Variants in NTM observed in about 807,000 individuals in gnomAD.
NTM encodes IgLON family member 2.
A neutral mutation model predicts 42.1 loss-of-function variants in NTM; 13 were observed. The ratio of observed to expected loss-of-function variants is 0.31; its 90% CI spans 0.20 to 0.49. NTM has a LOEUF of 0.49. Among genes scored for constraint, NTM ranks in the 20% least tolerant of loss-of-function variants. The pLI is 0.99. For missense variants in NTM, 373 were observed against 452.8 expected, an observed-to-expected ratio of 0.82 and a Z score of 1.60; for synonymous variants, 187 against 179.2, an observed-to-expected ratio of 1.04 and a Z score of -0.35.
chr11:131,675,203 T>C lies in NTM; in HGVS notation c.83-236361T>C, dbSNP rs960241131. 1.1e-4 allele frequency among the ~76,000 whole-genome samples: 16 copies of C among 152,318 alleles called. No homozygotes were observed. The East Asian group carries it at 3.1e-3, about 29-fold the overall frequency. ...TATTTCTGTTTAGCAAGACAGCAAT[T>C]TCGGGCAGCTACACTGTTTTATTAA... On this transcript the variant is annotated intron_variant, in intron 1 of 8. Coordinates refer to ENST00000683400, the MANE Select transcript of NTM (RefSeq NM_001352005.2).
At chr11:131,542,997 CCCTTCCTCTGGACG>C (rs1250656511) in intron 1 of NTM, among the ~76,000 whole-genome samples, 7 of 152,180 alleles carry the variant, frequency 4.6e-5, no homozygotes, top group Admixed American at 4.6e-4. Flanking sequence ...TCCCTGGTGC[CCCTTCCTCTGGACG>C]CCTTCCTTGC....
intron 2 of NTM, among the ~76,000 whole-genome samples, chr11:132,004,475 A>G (rs2070239410): frequency 2.0e-5 from 3 of 152,122 alleles, no homozygotes; most frequent in Non-Finnish European, 4.4e-5. Flanking sequence ...TAACTTCCTC[A>G]ATGACCATTG....
At chr11:131,787,372 T>TATTATTATTATTATC (rs2089419039) in intron 1 of NTM, among the ~76,000 whole-genome samples, 1 of 148,168 alleles carries the variant, frequency 6.7e-6, no homozygotes, top group Admixed American at 6.8e-5. Flanking sequence ...TTATTATTAT[T>TATTATTATTATTATC]ATTATTATTT....
rs114041229 is a variant in NTM, at chr11:131,494,420, G to A, written c.82+123532G>A. On this transcript the variant is annotated intron_variant, in intron 1 of 8. Transcript: ENST00000683400. ...ATCCATTTTGGCATTCTGGTAGAAG[G>A]CTTTCCAGAGGAGATACTAGCTCAT... Among the ~76,000 whole-genome samples, 211 of 152,288 alleles carry A rather than the reference G, an allele frequency of 1.4e-3. 4 individuals carry two copies. The highest frequency in any genetic ancestry group is 4.9e-3 in the African/African-American group (203 of 41,546).
At chr11:131,473,534 A>G (rs1219104442) in intron 1 of NTM, among the ~76,000 whole-genome samples, 2 of 152,196 alleles carry the variant, frequency 1.3e-5, no homozygotes, top group East Asian at 3.8e-4. Flanking sequence ...AGAGGCAGGG[A>G]TAAGCAGGCT....
At chr11:131,930,462 A>C (rs777727908) in intron 2 of NTM, among the ~76,000 whole-genome samples, 4 of 152,222 alleles carry the variant, frequency 2.6e-5, no homozygotes, top group Admixed American at 6.5e-5. Context: ...GTGTACAGGG[A>C]GCCGAATGCA....
At chr11:132,040,125 G>T (rs1250219984) in intron 2 of NTM, among the ~76,000 whole-genome samples, 4 of 151,998 alleles carry the variant, frequency 2.6e-5, no homozygotes, top group Non-Finnish European at 5.9e-5. Flanking sequence ...AGACGAGATG[G>T]GGGTTTCACC....
chr11:132,260,261 T>TC (rs1031828619), intron 4 of NTM, among the ~76,000 whole-genome samples: 1 of 151,890 alleles, frequency 6.6e-6, no homozygotes, highest in East Asian at 1.9e-4. Flanking sequence ...CCAGCCTTTT[T>TC]TTTTTTAAAG....
chr11:131,626,420 A>T (rs1314305680), intron 1 of NTM, among the ~76,000 whole-genome samples: 1 of 152,188 alleles, frequency 6.6e-6, no homozygotes, highest in Non-Finnish European at 1.5e-5. Flanking sequence ...TGTCCCTAAG[A>T]TGAGTGAGGA....
intron 1 of NTM, among the ~76,000 whole-genome samples, chr11:131,837,462 G>A (rs758804133): frequency 5.9e-5 from 9 of 152,210 alleles, no homozygotes; most frequent in Admixed American, 3.3e-4. Context: ...ATTGTACAGT[G>A]AGTCCAGAAT....
chr11:131,733,463 T>TTCTTTCCTTCC (rs2079960846), intron 1 of NTM, among the ~76,000 whole-genome samples: 91 of 112,638 alleles, frequency 8.1e-4, no homozygotes, highest in Middle Eastern at 4.9e-3. Flanking sequence ...TCCTTCCTTC[T>TTCTTTCCTTCC]TTCCTTCCTT....
chr11:131,763,709 CTTT>C (rs557522093), intron 1 of NTM, among the ~76,000 whole-genome samples: 1,881 of 71,404 alleles, frequency 0.026, 133 homozygotes, highest in African/African-American at 0.092. Context: ...ATCTCTCTCT[CTTT>C]TTTTTTTTTT....
At chr11:131,747,793 G>C (rs549755672) in intron 1 of NTM, among the ~76,000 whole-genome samples, 1 of 152,234 alleles carries the variant, frequency 6.6e-6, no homozygotes, top group East Asian at 1.9e-4. Context: ...ATTTTTTCAT[G>C]TCTCTGCCAT....
At chr11:131,483,068 T>C (rs1195439151) in intron 1 of NTM, among the ~76,000 whole-genome samples, 1 of 152,230 alleles carries the variant, frequency 6.6e-6, no homozygotes. Context: ...CATCAGGTTG[T>C]TGAAGCATTT....
intron 1 of NTM, chr11:131,534,254 C>T (rs1028034679): frequency 2.0e-5 from 3 of 152,236 alleles, no homozygotes; most frequent in Non-Finnish European, 4.4e-5. Context: ...CACGACCAGG[C>T]TACTCAGCAG....
intron 1 of NTM, among the ~76,000 whole-genome samples, chr11:131,691,172 C>T (rs988585489): frequency 3.9e-5 from 6 of 152,180 alleles, no homozygotes; most frequent in East Asian, 1.9e-4. Context: ...GCCCAGGCCA[C>T]CCCCGGCCCT....
At chr11:131,474,261 C>T (rs1281560712) in intron 1 of NTM, among the ~76,000 whole-genome samples, 2 of 152,158 alleles carry the variant, frequency 1.3e-5, no homozygotes, top group South Asian at 2.1e-4. Flanking sequence ...CCCACCTCCT[C>T]CATCTGGAAA....
chr11:131,377,450 A>C (rs142132369), intron 1 of NTM, among the ~76,000 whole-genome samples: 2 of 152,342 alleles, frequency 1.3e-5, no homozygotes, highest in African/African-American at 4.8e-5. Context: ...AGGCCAGGGA[A>C]GAATTTGCCT....
At chr11:131,620,068 G>T (rs1156658282) in intron 1 of NTM, among the ~76,000 whole-genome samples, 2 of 152,126 alleles carry the variant, frequency 1.3e-5, no homozygotes, top group Non-Finnish European at 2.9e-5. Flanking sequence ...CTCCCAAAGT[G>T]TTGGGATTAT....
Sources: allele counts gnomAD v4.1 joint callset (sites outside exome capture counted in the v4.1 genomes callset), GRCh38; gene constraint gnomAD v4.1.1; transcripts MANE v1.5; gene names NCBI Gene and HGNC (gene_info 2026-07-23, HGNC 2026-07-21).